The following VWA3B variants were observed in gnomAD, a reference collection of about 807,000 sequenced individuals.
VWA3B encodes the protein von Willebrand factor A domain-containing protein 3B.
Under a neutral mutation model 158.3 loss-of-function variants are expected in VWA3B, and 138 were observed. The observed-to-expected ratio is 0.87, with a 90% CI of 0.76 to 1.00. The LOEUF is 1.00. Ranked by LOEUF, VWA3B falls within the 50% of genes least tolerant of loss-of-function variation. The pLI, the probability that VWA3B is intolerant of heterozygous loss-of-function variation, is 0.00. For synonymous variants in VWA3B, 596 were observed against 587.3 expected, an observed-to-expected ratio of 1.01 and a Z score of -0.21; for missense variants, 1,555 against 1,565.1, an observed-to-expected ratio of 0.99 and a Z score of 0.11.
intron 13 of VWA3B, 27 bp from the exon 14 acceptor site, chr2:98,217,819 C>A: frequency 6.5e-7 from 1 of 1,539,506 alleles, no homozygotes; most frequent in Non-Finnish European, 8.7e-7. Flanking sequence ...ATCTCCCTTC[C>A]CCCATCCCCA....
chr2:98,256,736 C>G (rs1462875589), intron 21 of VWA3B, among the ~76,000 whole-genome samples: 1 of 152,126 alleles, frequency 6.6e-6, no homozygotes, highest in Non-Finnish European at 1.5e-5. Flanking sequence ...CATGGTAATT[C>G]TATGCTTAAC....
rs1465782550 is a variant in VWA3B, at chr2:98,181,163, T to C, written c.1262T>C (p.Val421Ala). 1 of 1,612,932 alleles carries C rather than the reference T, an allele frequency of 6.2e-7. No homozygotes were observed. Among genetic ancestry groups the C allele is most frequent in the South Asian group, 1.1e-5 (1 of 90,972 alleles). Reference protein sequence around the residue: ...ADCSFRHADGVVDIKAKPENE... With the variant: ...ADCSFRHADGAVDIKAKPENE... ...TGCTCTTTCCGCCACGCTGATGGGG[T>C]TGTGGATATAAAAGCCAAACCGGAG... The change falls in exon 9 of 28, where the codon GTT becomes GCT. Residue 421 changes from valine to alanine, a missense_variant. By Grantham distance (64) the Val-to-Ala change is moderately conservative. Transcript: ENST00000477737.
rs1327417720 is a variant in VWA3B at position 98,125,937 on chromosome 2, T to C, written c.703-2302T>C. Among the ~76,000 whole-genome samples the C allele has an allele frequency of 2.0e-5, 3 of 152,156 alleles. No individual in the cohort carries two copies. The highest frequency in any genetic ancestry group is 6.5e-5 in the Admixed American group (1 of 15,286). On this transcript the variant is annotated intron_variant, in intron 5 of 27. Transcript: ENST00000477737. The surrounding 1 kb of genome is among the most constrained non-coding windows in gnomAD (Gnocchi z 4.1). ...CCTCAGCCTCCCAAAGTGCTGGGATTACAGGTATGAGCCACCGCTCCCGGC... is the reference window on the plus strand; with the variant it reads ...CCTCAGCCTCCCAAAGTGCTGGGATCACAGGTATGAGCCACCGCTCCCGGC...
chr2:98,219,261 G>A (rs1350569553), intron 14 of VWA3B, among the ~76,000 whole-genome samples: 3 of 152,100 alleles, frequency 2.0e-5, no homozygotes, highest in Non-Finnish European at 2.9e-5. Flanking sequence ...TGTAACTGTG[G>A]GGGAGACATG....
At chr2:98,217,116 A>G (rs533502599) in intron 13 of VWA3B, 394 of 522,486 alleles carry the variant, frequency 7.5e-4, no homozygotes, top group African/African-American at 7.4e-3. Context: ...CCATCCCTGC[A>G]ATGGGAAACA....
At chr2:98,129,768 A>T (rs1267260675) in intron 6 of VWA3B, among the ~76,000 whole-genome samples, 1 of 152,198 alleles carries the variant, frequency 6.6e-6, no homozygotes, top group African/African-American at 2.4e-5. Context: ...TGTGGTTACA[A>T]GGAGAATTAT....
chr2:98,209,154 T>C (rs181798565), intron 12 of VWA3B, among the ~76,000 whole-genome samples: 1 of 152,348 alleles, frequency 6.6e-6, no homozygotes, highest in Admixed American at 6.5e-5. Context: ...TTTTCTTTGT[T>C]TTTAGTTTCA....
At chr2:98,172,145 A>G (rs1679644112) in intron 8 of VWA3B, among the ~76,000 whole-genome samples, 1 of 152,238 alleles carries the variant, frequency 6.6e-6, no homozygotes. Flanking sequence ...GGCTTTCTGT[A>G]TCCTGGGTTC....
intron 2 of VWA3B, 49 bp downstream of exon 2, chr2:98,093,337 G>A (rs1682487643): frequency 1.3e-6 from 2 of 1,589,652 alleles, no homozygotes; most frequent in Non-Finnish European, 1.7e-6. Flanking sequence ...CCTTTGAGGT[G>A]GAGGTGGCTG....
chr2:98,162,215 G>A (rs1233214663), intron 7 of VWA3B, among the ~76,000 whole-genome samples: 1 of 134,278 alleles, frequency 7.4e-6, no homozygotes, highest in Non-Finnish European at 1.5e-5. Context: ...CCTGGATCTC[G>A]ATGAAGGCAG....
At chr2:98,264,437 A>G (rs62156746) in intron 21 of VWA3B, among the ~76,000 whole-genome samples, 5,914 of 152,062 alleles carry the variant, frequency 0.039, 172 homozygotes, top group Middle Eastern at 0.075. Context: ...ATTTATCTCA[A>G]GATATCTTCT....
intron 9 of VWA3B, among the ~76,000 whole-genome samples, chr2:98,184,321 T>G (rs1015450136): frequency 1.3e-5 from 2 of 152,250 alleles, no homozygotes; most frequent in African/African-American, 4.8e-5. Context: ...TGTCCACCTC[T>G]GCCTGCCTTG....
chr2:98,312,264 C>T lies in VWA3B; in HGVS notation c.3800C>T (p.Thr1267Ile). The T allele has an allele frequency of 6.2e-7, 1 of 1,614,198 alleles. No individual in the cohort carries two copies. Among genetic ancestry groups the T allele is most frequent in the African/African-American group, 1.3e-5 (1 of 75,058 alleles). The change falls in exon 28 of 28, where the codon ACA becomes ATA. Residue 1267 changes from threonine (T) to isoleucine (I), a missense_variant. Physicochemically the swap from Thr to Ile is moderately conservative, Grantham distance 89. Transcript: ENST00000477737. The part of the protein sequence containing the change: ...LGLSSHAIIA[T>I]PPPRAALPCT... ...CTCAGCAGCCACGCCATCATTGCCA[C>T]ACCTCCACCTCGAGCAGCCCTGCCC...
intron 1 of VWA3B, among the ~76,000 whole-genome samples, chr2:98,089,858 A>G (rs6711299): frequency 0.47 from 71,584 of 151,834 alleles, 17,826 homozygotes; most frequent in African/African-American, 0.61. Context: ...ATATGAGTGC[A>G]AAAGGGACTG....
intron 19 of VWA3B, among the ~76,000 whole-genome samples, chr2:98,239,509 G>A (rs1041804784): frequency 1.3e-5 from 2 of 151,392 alleles, no homozygotes; most frequent in Admixed American, 6.6e-5. Flanking sequence ...TTAGCTGGGT[G>A]GTGAGATTGT....
chr2:98,200,140 G>A (rs1322221288), intron 12 of VWA3B, among the ~76,000 whole-genome samples: 3 of 152,138 alleles, frequency 2.0e-5, no homozygotes, highest in Non-Finnish European at 4.4e-5. Flanking sequence ...GCATCTGTAT[G>A]TATGTCTTCT....
At chr2:98,282,282 T>G (rs1012021988) in intron 22 of VWA3B, among the ~76,000 whole-genome samples, 8 of 150,706 alleles carry the variant, frequency 5.3e-5, no homozygotes, top group African/African-American at 2.0e-4. Context: ...GTGGTATAGT[T>G]CAACTGACTG....
At chr2:98,308,772 C>G (rs946690480) in intron 26 of VWA3B, among the ~76,000 whole-genome samples, 3 of 152,246 alleles carry the variant, frequency 2.0e-5, no homozygotes, top group African/African-American at 7.2e-5. Context: ...ATACACACAC[C>G]TGGTGCCACT....
intron 26 of VWA3B, among the ~76,000 whole-genome samples, chr2:98,308,694 G>A (rs542885364): frequency 1.3e-5 from 2 of 152,238 alleles, no homozygotes; most frequent in Non-Finnish European, 2.9e-5. Context: ...TTCTCCAGTG[G>A]AGAGAGGTGC....
Sources: allele counts gnomAD v4.1 joint callset (sites outside exome capture counted in the v4.1 genomes callset), GRCh38; gene constraint gnomAD v4.1.1; non-coding constraint Gnocchi (gnomAD v3.1); transcripts MANE v1.5; gene names NCBI Gene and HGNC (gene_info 2026-07-23, HGNC 2026-07-21).